The following DLGAP2 variants were observed in gnomAD, a reference collection of about 807,000 sequenced individuals.
DLGAP2 encodes DLG associated protein 2.
Under a neutral mutation model 100.3 loss-of-function variants are expected in DLGAP2, and 26 were observed. The observed-to-expected ratio is 0.26, with a 90% CI of 0.19 to 0.36. The LOEUF (loss-of-function observed/expected upper bound fraction) is 0.36, where lower values mean the gene tolerates loss of function less well. DLGAP2 is among the 10% of genes least tolerant of loss of function. The pLI is 1.00. For missense variants in DLGAP2, 1,858 were observed against 1,453.2 expected (o/e 1.28, Z -4.53); for synonymous variants, 886 against 630.1 (o/e 1.41, Z -6.08).
At chr8:1,687,174 C>G (rs1366588928) in intron 12 of DLGAP2, among the ~76,000 whole-genome samples, 1 of 152,118 alleles carries the variant, frequency 6.6e-6, no homozygotes, top group African/African-American at 2.4e-5. Context: ...TGATCATTTC[C>G]GACTCTCTGC....
chr8:1,013,599 G>A (rs1452678591), intron 2 of DLGAP2, among the ~76,000 whole-genome samples: 8 of 146,734 alleles, frequency 5.5e-5, no homozygotes, highest in African/African-American at 1.4e-4. Context: ...GACAGACGGC[G>A]CCTCCACTGT....
In DLGAP2 at chr8:1,703,884, G is replaced by A. The variant is rs557255822; in HGVS notation, c.*2478G>A. The A allele has an allele frequency of 1.3e-5, 2 of 152,690 alleles. No individual in the cohort carries two copies. The highest frequency in any genetic ancestry group is 2.4e-5 in the African/African-American group (1 of 41,540). 9.5% of individuals were successfully genotyped at this position (152,690 alleles called of 1,614,324 possible). ...TTGCACAGGGTTGGTGACTCGACGT[G>A]GTGAATGTGCACACGCCCTGCCTGG... On this transcript the variant is annotated 3_prime_UTR_variant, in exon 15 of 15. Coordinates refer to ENST00000637795, the MANE Select transcript of DLGAP2 (RefSeq NM_001346810.2).
chr8:1,241,262 T>A (rs1798789514), intron 2 of DLGAP2, among the ~76,000 whole-genome samples: 1 of 150,996 alleles, frequency 6.6e-6, no homozygotes, highest in Non-Finnish European at 1.5e-5. Flanking sequence ...CCATGTCTAG[T>A]TCTCTCACAT....
chr8:1,448,196 T>C (rs1228862467), intron 3 of DLGAP2, among the ~76,000 whole-genome samples: 1 of 152,232 alleles, frequency 6.6e-6, no homozygotes, highest in Non-Finnish European at 1.5e-5. Flanking sequence ...TGATTTTGGA[T>C]CTTTCCTGCT....
intron 2 of DLGAP2, among the ~76,000 whole-genome samples, chr8:1,244,306 C>G (rs1798860908): frequency 6.6e-6 from 1 of 152,240 alleles, no homozygotes; most frequent in Admixed American, 6.5e-5. Flanking sequence ...TGTGGAATGA[C>G]TGATAGGTCA....
chr8:1,522,628 G>C (rs1468088988), intron 4 of DLGAP2, among the ~76,000 whole-genome samples: 2 of 152,248 alleles, frequency 1.3e-5, no homozygotes, highest in African/African-American at 4.8e-5. Flanking sequence ...GATTTAAGGG[G>C]ACGCCTGTAA....
chr8:1,630,663 C>G (rs577899337), intron 7 of DLGAP2, among the ~76,000 whole-genome samples: 2 of 151,602 alleles, frequency 1.3e-5, no homozygotes, highest in African/African-American at 4.9e-5. Context: ...GATCACGCCA[C>G]TGCACTCCAG....
chr8:1,040,511 G>A (rs1802311361), intron 2 of DLGAP2, among the ~76,000 whole-genome samples: 1 of 148,742 alleles, frequency 6.7e-6, no homozygotes, highest in African/African-American at 2.5e-5. Context: ...GGTGTGCGTG[G>A]TTGGCTCGGT....
intron 1 of DLGAP2, among the ~76,000 whole-genome samples, chr8:777,457 A>G (rs1343249055): frequency 6.6e-6 from 1 of 151,958 alleles, no homozygotes; most frequent in African/African-American, 2.4e-5. Context: ...GATGGTCTTT[A>G]CATTTTGGCA....
chr8:1,084,413 C>T (rs1464838058), intron 2 of DLGAP2, among the ~76,000 whole-genome samples: 1 of 152,126 alleles, frequency 6.6e-6, no homozygotes, highest in African/African-American at 2.4e-5. Flanking sequence ...TTACTCTTGG[C>T]AATATTTAAA....
rs531655225 is a variant in DLGAP2, at chr8:930,357, A to T, written c.73+22391A>T. ...TGTTGTCTCTGCTTTAGGGGAAATT[A>T]TTGTGTCCTACAGAGAGACAGTAAC... On this transcript the variant is annotated intron_variant, in intron 2 of 14. Transcript: ENST00000637795. 2.6e-5 allele frequency among the ~76,000 whole-genome samples: 4 copies of T among 151,890 alleles called. No homozygotes were observed. In the South Asian group the frequency reaches 6.2e-4, roughly 24 times the overall value.
At chr8:1,097,987 A>G (rs1197303582) in intron 2 of DLGAP2, among the ~76,000 whole-genome samples, 2 of 152,272 alleles carry the variant, frequency 1.3e-5, no homozygotes, top group African/African-American at 4.8e-5. Context: ...AGAGGTTTGT[A>G]TGAACCCCAG....
At chr8:974,119 G>C (rs536637075) in intron 2 of DLGAP2, among the ~76,000 whole-genome samples, 1 of 152,164 alleles carries the variant, frequency 6.6e-6, no homozygotes, top group East Asian at 1.9e-4. Flanking sequence ...AAAAGTTGAT[G>C]AGAATTTTTC....
intron 2 of DLGAP2, among the ~76,000 whole-genome samples, chr8:1,181,782 T>C (rs964541463): frequency 1.3e-5 from 2 of 152,128 alleles, no homozygotes; most frequent in African/African-American, 4.8e-5. Context: ...TAGGGATTGA[T>C]GGATGGAGAC....
At chr8:798,109 A>T (rs377639321) in intron 1 of DLGAP2, among the ~76,000 whole-genome samples, 2 of 152,292 alleles carry the variant, frequency 1.3e-5, no homozygotes, top group Admixed American at 6.5e-5. Flanking sequence ...GGCTGTTTGC[A>T]TCAGTTTCTT....
chr8:764,144 T>A (rs990898376), intron 1 of DLGAP2, among the ~76,000 whole-genome samples: 1 of 152,200 alleles, frequency 6.6e-6, no homozygotes, highest in Non-Finnish European at 1.5e-5. Flanking sequence ...TGACATGCTG[T>A]CTGAATTGGG....
intron 2 of DLGAP2, among the ~76,000 whole-genome samples, chr8:1,188,767 C>G (rs1202675956): frequency 6.6e-6 from 1 of 152,214 alleles, no homozygotes; most frequent in African/African-American, 2.4e-5. Context: ...AAAGACATTT[C>G]CTGTTACACG....
chr8:1,267,851 T>G (rs557247468), intron 3 of DLGAP2, among the ~76,000 whole-genome samples: 16 of 152,158 alleles, frequency 1.1e-4, no homozygotes, highest in African/African-American at 3.6e-4. Context: ...TGGGAACTGG[T>G]TTTTCCTCCA....
intron 3 of DLGAP2, among the ~76,000 whole-genome samples, chr8:1,368,174 G>A (rs1158343898): frequency 6.6e-6 from 1 of 152,162 alleles, no homozygotes; most frequent in Admixed American, 6.6e-5. Flanking sequence ...GTGTGCATGT[G>A]TGTGTGTATG....
Sources: allele counts gnomAD v4.1 joint callset (sites outside exome capture counted in the v4.1 genomes callset), GRCh38; gene constraint gnomAD v4.1.1; transcripts MANE v1.5; gene names NCBI Gene and HGNC (gene_info 2026-07-23, HGNC 2026-07-21).